Variants in SPAG16 observed in about 807,000 individuals in gnomAD.
SPAG16 encodes sperm associated antigen 16.
A neutral mutation model predicts 80.4 loss-of-function variants in SPAG16; 86 were observed. The ratio of observed to expected loss-of-function variants is 1.07; its 90% CI spans 0.90 to 1.28. The LOEUF is 1.28. Ranked by LOEUF, SPAG16 falls within the 50% of genes most tolerant of loss-of-function variation. The pLI, the probability that SPAG16 is intolerant of heterozygous loss-of-function variation, is 0.00. For missense variants in SPAG16, 870 were observed against 765.3 expected (o/e 1.14, Z -1.61); for synonymous variants, 294 against 265.9 (o/e 1.11, Z -1.03).
At chr2:214,109,467 T>G (rs2125408755) in intron 14 of SPAG16, among the ~76,000 whole-genome samples, 1 of 152,300 alleles carries the variant, frequency 6.6e-6, no homozygotes, top group Admixed American at 6.5e-5. Context: ...TCTTTTCCAA[T>G]TAGCTATAAA....
chr2:214,211,827 A>C (rs1363523302), intron 15 of SPAG16, among the ~76,000 whole-genome samples: 1 of 152,144 alleles, frequency 6.6e-6, no homozygotes, highest in Non-Finnish European at 1.5e-5. Context: ...TTATTCCCCC[A>C]ATATGATCAG....
At chr2:213,321,070 C>G (rs1045561981) in intron 5 of SPAG16, among the ~76,000 whole-genome samples, 2 of 151,280 alleles carry the variant, frequency 1.3e-5, no homozygotes, top group Non-Finnish European at 3.0e-5. Flanking sequence ...TTTCTTAAGG[C>G]AAAATAAAAC....
intron 15 of SPAG16, among the ~76,000 whole-genome samples, chr2:214,370,573 A>G (rs184880520): frequency 6.6e-6 from 1 of 152,170 alleles, no homozygotes; most frequent in Non-Finnish European, 1.5e-5. Context: ...AGTGAGAGAG[A>G]GTGTGTGTGG....
At chr2:214,230,632 A>G (rs1445694280) in intron 15 of SPAG16, among the ~76,000 whole-genome samples, 3 of 151,994 alleles carry the variant, frequency 2.0e-5, no homozygotes, top group East Asian at 1.9e-4. Flanking sequence ...ATGCACCTCT[A>G]TGCACATGCT....
Position 214,014,063 on chromosome 2 carries a change from T to C in SPAG16, c.1513T>C (p.Trp505Arg), listed in dbSNP as rs1173154695. 1.2e-6 allele frequency: 2 copies of C among 1,612,860 alleles called. No homozygotes were observed. Among genetic ancestry groups the C allele is most frequent in the African/African-American group, 1.3e-5 (1 of 74,898 alleles). Residue 505 changes from tryptophan (W) to arginine (R), a missense_variant, in exon 13 of 16, where the codon TGG (tryptophan) becomes CGG (arginine). By Grantham distance (101) the Trp-to-Arg change is moderately radical. Transcript: ENST00000331683. ...TSSADKTLSI[W>R]DARTGICEQS... ...CTCTGCAGACAAGACCCTGTCTATA[T>C]GGGATGCAAGAACAGTAAGCAAATC...
intron 13 of SPAG16, among the ~76,000 whole-genome samples, chr2:214,056,566 C>A (rs1251596917): frequency 6.6e-6 from 1 of 151,786 alleles, no homozygotes; most frequent in East Asian, 1.9e-4. Context: ...GAGCCTTCAG[C>A]AAGTTGTAAT....
At chr2:213,600,703 T>A (rs2061032055) in intron 10 of SPAG16, among the ~76,000 whole-genome samples, 4 of 152,198 alleles carry the variant, frequency 2.6e-5, no homozygotes, top group African/African-American at 7.2e-5. Flanking sequence ...TGGCCGTACT[T>A]AGTGACATTA....
intron 10 of SPAG16, among the ~76,000 whole-genome samples, chr2:213,623,057 G>A (rs532961151): frequency 7.2e-5 from 11 of 152,102 alleles, no homozygotes; most frequent in South Asian, 4.2e-4. Flanking sequence ...TCATTCTCAC[G>A]CCTCCATTTG....
intron 10 of SPAG16, among the ~76,000 whole-genome samples, chr2:213,799,633 T>C (rs370940914): frequency 1.7e-4 from 26 of 152,190 alleles, no homozygotes; most frequent in Middle Eastern, 3.2e-3. Context: ...ATGTGCCTTC[T>C]GTTTTTACAT....
chr2:214,073,233 T>A (rs942831442), intron 13 of SPAG16, among the ~76,000 whole-genome samples: 3 of 17,682 alleles, frequency 1.7e-4, no homozygotes, highest in Non-Finnish European at 4.2e-4. Flanking sequence ...AAATTTTTTC[T>A]TTTTTTTTTT....
At chr2:213,927,758 TTA>T (rs1280009008) in intron 11 of SPAG16, among the ~76,000 whole-genome samples, 4 of 152,284 alleles carry the variant, frequency 2.6e-5, no homozygotes, top group Admixed American at 2.6e-4. Flanking sequence ...CATATAAAAC[TTA>T]TATGAGAGGG....
intron 15 of SPAG16, among the ~76,000 whole-genome samples, chr2:214,348,574 A>G (rs940318476): frequency 6.6e-6 from 1 of 152,156 alleles, no homozygotes; most frequent in African/African-American, 2.4e-5. Flanking sequence ...GAGCTGCCAC[A>G]TAAGAAGCCC....
intron 10 of SPAG16, among the ~76,000 whole-genome samples, chr2:213,583,092 G>C (rs1438489483): frequency 1.3e-5 from 2 of 152,046 alleles, no homozygotes. Flanking sequence ...TATGACTACT[G>C]TATATGCCAC....
intron 10 of SPAG16, among the ~76,000 whole-genome samples, chr2:213,831,534 T>C (rs1403700856): frequency 6.6e-6 from 1 of 152,126 alleles, no homozygotes; most frequent in Non-Finnish European, 1.5e-5. Flanking sequence ...GTGTTGGTAG[T>C]TTTTGTTTTA....
At chr2:213,626,607 C>T (rs2061967397) in intron 10 of SPAG16, among the ~76,000 whole-genome samples, 1 of 149,546 alleles carries the variant, frequency 6.7e-6, no homozygotes, top group Non-Finnish European at 1.5e-5. Context: ...TACAAGTTTG[C>T]ATGACACACT....
At chr2:213,543,240 T>G (rs113604011) in intron 10 of SPAG16, among the ~76,000 whole-genome samples, 2,963 of 152,168 alleles carry the variant, frequency 0.019, 43 homozygotes, top group Middle Eastern at 0.051. Context: ...TTTATTTCTT[T>G]TTTATGAATG....
chr2:213,324,604 A>G (rs2063765286), intron 5 of SPAG16, among the ~76,000 whole-genome samples: 1 of 152,158 alleles, frequency 6.6e-6, no homozygotes, highest in Non-Finnish European at 1.5e-5. Context: ...CTTTATTGCT[A>G]AGTAGTATTC....
At chr2:213,478,111 C>A (rs1026131812) in intron 9 of SPAG16, among the ~76,000 whole-genome samples, 1 of 152,166 alleles carries the variant, frequency 6.6e-6, no homozygotes, top group African/African-American at 2.4e-5. Flanking sequence ...TTCTCCTTTT[C>A]TGTCTGCCAT....
intron 10 of SPAG16, among the ~76,000 whole-genome samples, chr2:213,612,379 A>T (rs973366659): frequency 3.9e-5 from 6 of 152,172 alleles, no homozygotes; most frequent in African/African-American, 1.2e-4. Context: ...TCTCAGAATT[A>T]TATCTTCTTT....
Sources: allele counts gnomAD v4.1 joint callset (sites outside exome capture counted in the v4.1 genomes callset), GRCh38; gene constraint gnomAD v4.1.1; transcripts MANE v1.5; gene names NCBI Gene and HGNC (gene_info 2026-07-23, HGNC 2026-07-21).